The following RNF19A variants were observed in gnomAD, a reference collection of about 807,000 sequenced individuals.
RNF19A encodes E3 ubiquitin-protein ligase RNF19A.
In RNF19A, 32 loss-of-function variants were observed where a neutral mutation model predicts 75.7. The ratio of observed to expected loss-of-function variants is 0.42; its 90% CI spans 0.32 to 0.57. The LOEUF is 0.57. RNF19A is among the 20% of genes least tolerant of loss of function. The pLI is 0.10. For synonymous variants in RNF19A, 335 were observed against 345.2 expected (o/e 0.97, Z 0.33); for missense variants, 782 against 1,036.3 (o/e 0.75, Z 3.37).
At chr8:100,308,543 G>A (rs1822152927) in intron 1 of RNF19A, among the ~76,000 whole-genome samples, 1 of 152,102 alleles carries the variant, frequency 6.6e-6, no homozygotes, top group Non-Finnish European at 1.5e-5. Context: ...ATAAACAGAA[G>A]TGGTAAAATG....
At position 100,258,487 on chromosome 8, in the gene RNF19A, A is replaced by G. The variant is rs531769596; in HGVS notation, c.*69T>C. The G allele has an allele frequency of 9.6e-6, 12 of 1,245,356 alleles. No homozygotes were observed. In the South Asian group the frequency reaches 1.6e-4, roughly 17 times the overall value. 77.1% of individuals were successfully genotyped at this position (1,245,356 alleles called of 1,614,324 possible). ...TTTGCTGGTAACCTGAAACTTAAGT[A>G]GTCACATGTAGTTCAACCAGCTCCA... On this transcript the variant is annotated 3_prime_UTR_variant, in exon 10 of 10. Transcript: ENST00000341084. This position sits in a 1 kb window ranked among gnomAD's most constrained non-coding sequence, Gnocchi z 4.3.
intron 1 of RNF19A, among the ~76,000 whole-genome samples, chr8:100,299,542 C>T (rs1231486572): frequency 6.6e-6 from 1 of 152,120 alleles, no homozygotes; most frequent in Non-Finnish European, 1.5e-5. Context: ...GGCAGATCAC[C>T]TGAGGTCAGT....
Position 100,284,510 on chromosome 8 carries a change from T to C in RNF19A, c.674+2991A>G, listed in dbSNP as rs1216875612. On this transcript the variant is annotated intron_variant, in intron 2 of 9. Coordinates refer to ENST00000341084, the MANE Select transcript of RNF19A (RefSeq NM_183419.4). The surrounding 1 kb of genome is among the most constrained non-coding windows in gnomAD (Gnocchi z 4.3). ...GACAACCAATAACACCAAAAATTAA[T>C]GTATGGCCAAATTAATCACGGACAA... Among the ~76,000 whole-genome samples, 1 of 152,152 alleles carries C rather than the reference T, an allele frequency of 6.6e-6. No homozygotes were observed. The highest frequency in any genetic ancestry group is 1.5e-5 in the Non-Finnish European group (1 of 67,986).
chr8:100,312,914 T>G (rs1822322228), upstream of RNF19A, among the ~76,000 whole-genome samples: 1 of 152,146 alleles, frequency 6.6e-6, no homozygotes, highest in Admixed American at 6.5e-5. Flanking sequence ...AGAGCGAGAC[T>G]CTGTCTCAAA....
upstream of RNF19A, among the ~76,000 whole-genome samples, chr8:100,311,998 C>T (rs551279455): frequency 6.6e-6 from 1 of 152,270 alleles, no homozygotes; most frequent in Admixed American, 6.5e-5. Flanking sequence ...TTCCTAGAGG[C>T]ACCTCAGATT....
At chr8:100,277,514 G>A (rs113571856) in intron 2 of RNF19A, among the ~76,000 whole-genome samples, 9 of 152,174 alleles carry the variant, frequency 5.9e-5, no homozygotes, top group South Asian at 4.1e-4. Context: ...GGGTTTCACC[G>A]TGTTAGCCAG....
chr8:100,279,707 A>G (rs2129795494), intron 2 of RNF19A, among the ~76,000 whole-genome samples: 1 of 152,206 alleles, frequency 6.6e-6, no homozygotes, highest in Admixed American at 6.5e-5. Flanking sequence ...TTGTATCTTT[A>G]GTAGACACGG....
intron 1 of RNF19A, among the ~76,000 whole-genome samples, chr8:100,326,289 C>G (rs920399218): frequency 6.6e-6 from 1 of 152,074 alleles, no homozygotes; most frequent in Non-Finnish European, 1.5e-5. Context: ...AAATGCATAC[C>G]ACCTAACCTC....
chr8:100,274,917 T>C lies in RNF19A; in HGVS notation c.883+36A>G. The C allele has an allele frequency of 2.0e-6, 3 of 1,518,596 alleles. No individual in the cohort carries two copies. In the South Asian group the frequency reaches 3.5e-5, roughly 18 times the overall value. The allele number at this position is 1,518,596 out of a possible 1,614,324, so 94.1% of individuals were successfully genotyped here. Reference sequence around the variant, plus strand: ...AAGTTAAAATAACTAGTGTTTTGTGTCAAATATTTTATTAGAAAAAATTAG... The same window carrying C: ...AAGTTAAAATAACTAGTGTTTTGTGCCAAATATTTTATTAGAAAAAATTAG... On this transcript the variant is annotated intron_variant, in intron 3 of 9. Transcript: ENST00000341084.
At chr8:100,277,220 T>C (rs1215532331) in intron 2 of RNF19A, among the ~76,000 whole-genome samples, 3 of 152,182 alleles carry the variant, frequency 2.0e-5, no homozygotes, top group African/African-American at 7.2e-5. Context: ...GTAACTGAGA[T>C]TGCAATTAAG....
Position 100,323,992 on chromosome 8 carries a change from T to A in RNF19A, c.-242-10620A>T, listed in dbSNP as rs1822496068. Among the ~76,000 whole-genome samples the A allele has an allele frequency of 1.3e-5, 2 of 152,198 alleles. No individual in the cohort carries two copies. Among genetic ancestry groups the A allele is most frequent in the Non-Finnish European group, 2.9e-5 (2 of 68,030 alleles). ...GATCTGTATTCAATTTCAAATTGTT[T>A]CTAAGGGTTTAGTATCCTGTGATAA... On this transcript the variant is annotated intron_variant, in intron 1 of 3. Coordinates refer to the RNF19A transcript ENST00000519527. This position sits in a 1 kb window ranked among gnomAD's most constrained non-coding sequence, Gnocchi z 4.6.
At chr8:100,266,918 G>C (rs1476317742) in intron 5 of RNF19A, among the ~76,000 whole-genome samples, 3 of 152,046 alleles carry the variant, frequency 2.0e-5, no homozygotes, top group Non-Finnish European at 4.4e-5. Flanking sequence ...TTAAGAAATA[G>C]TATATATTAT....
intron 2 of RNF19A, among the ~76,000 whole-genome samples, chr8:100,276,353 T>A (rs552339982): frequency 1.3e-5 from 2 of 152,316 alleles, no homozygotes; most frequent in East Asian, 3.9e-4. Flanking sequence ...TACTGTATGA[T>A]TCCATTTATA....
At chr8:100,313,739 G>T (rs1255533891), upstream of RNF19A, among the ~76,000 whole-genome samples, 1 of 152,100 alleles carries the variant, frequency 6.6e-6, no homozygotes, top group African/African-American at 2.4e-5. Flanking sequence ...CAGTTAAGAG[G>T]CTATTCCAGG....
At position 100,325,239 on chromosome 8, in the gene RNF19A, G is replaced by T. The variant is rs1260334747; in HGVS notation, c.-243+10869C>A. ...CATCGATTTTTAATAGAAAATCCTAGAAGAAGAAACATGTTTGATACTGAA... is the reference window on the plus strand; with the variant it reads ...CATCGATTTTTAATAGAAAATCCTATAAGAAGAAACATGTTTGATACTGAA... On this transcript the variant is annotated intron_variant, in intron 1 of 3. Transcript: ENST00000519527. This position sits in a 1 kb window ranked among gnomAD's most constrained non-coding sequence, Gnocchi z 4.3. Among the ~76,000 whole-genome samples the T allele has an allele frequency of 2.0e-5, 3 of 152,174 alleles. No individual in the cohort carries two copies. Among genetic ancestry groups the T allele is most frequent in the Non-Finnish European group, 2.9e-5 (2 of 68,034 alleles).
chr8:100,310,897 T>C (rs1414363840), upstream of RNF19A, among the ~76,000 whole-genome samples: 2 of 151,274 alleles, frequency 1.3e-5, no homozygotes, highest in South Asian at 2.1e-4. Flanking sequence ...TTTGAATGTT[T>C]CAATCTACAC....
At chr8:100,283,827 AC>A (rs1820894376) in intron 2 of RNF19A, among the ~76,000 whole-genome samples, 1 of 152,232 alleles carries the variant, frequency 6.6e-6, no homozygotes, top group Non-Finnish European at 1.5e-5. Context: ...AGGGTTAAAT[AC>A]TACCTATATG....
Position 100,287,388 on chromosome 8 carries a change from G to T in RNF19A, c.674+113C>A. On this transcript the variant is annotated intron_variant, in intron 2 of 9. Coordinates refer to ENST00000341084, the MANE Select transcript of RNF19A (RefSeq NM_183419.4). The surrounding 1 kb of genome is among the most constrained non-coding windows in gnomAD (Gnocchi z 4.1). The stretch of plus-strand genomic sequence containing the variant: ...CTGACATATGGTGTGCACTCAACAT[G>T]TCTGTTGAATGAATTCTCCAGCATG... The T allele has an allele frequency of 1.1e-6, 1 of 895,966 alleles. No homozygotes were observed. The highest frequency in any genetic ancestry group is 1.7e-6 in the Non-Finnish European group (1 of 592,582). 55.5% of individuals were successfully genotyped at this position (895,966 alleles called of 1,614,324 possible). A position where few individuals can be genotyped will look rare whatever the true frequency, so the allele number is the denominator to read the frequency against.
chr8:100,261,505 A>C lies in RNF19A; in HGVS notation c.1682+37T>G, dbSNP rs1422213557. 6.5e-7 allele frequency: 1 copy of C among 1,526,744 alleles called. No homozygotes were observed. The highest frequency in any genetic ancestry group is 2.3e-5 in the East Asian group (1 of 44,358). The allele number at this position is 1,526,744 out of a possible 1,614,324, so 94.6% of individuals were successfully genotyped here. A position where few individuals can be genotyped will look rare whatever the true frequency, so the allele number is the denominator to read the frequency against. ...CTCACCTAATTAATAATTTGTAGTT[A>C]CCAGAAAGCAGAACCAAACCAAACC... On this transcript the variant is annotated intron_variant, in intron 8 of 9. Coordinates refer to ENST00000341084, the MANE Select transcript of RNF19A (RefSeq NM_183419.4). This position sits in a 1 kb window ranked among gnomAD's most constrained non-coding sequence, Gnocchi z 4.4.
Sources: gnomAD v4.1 joint callset for allele counts (sites outside exome capture counted in the v4.1 genomes callset) on GRCh38, gnomAD v4.1.1 for gene constraint, Gnocchi (gnomAD v3.1) non-coding constraint, MANE v1.5 for transcripts, NCBI Gene and HGNC (gene_info 2026-07-23, HGNC 2026-07-21) for gene names.